The following SOX5 variants were observed in gnomAD, a reference collection of about 807,000 sequenced individuals.
SOX5 encodes the protein transcription factor SOX-5.
Under a neutral mutation model 92.0 loss-of-function variants are expected in SOX5, and 9 were observed. That is an observed-to-expected ratio of 0.10 (90% confidence interval 0.06 to 0.17). The LOEUF is 0.17. SOX5 is among the 10% of genes least tolerant of loss of function. The pLI is 1.00. For missense variants in SOX5, 642 were observed against 944.5 expected, an observed-to-expected ratio of 0.68 and a Z score of 4.20; for synonymous variants, 344 against 336.3, an observed-to-expected ratio of 1.02 and a Z score of -0.25.
intron 1 of SOX5, among the ~76,000 whole-genome samples, chr12:24,452,307 G>A (rs1413882906): frequency 2.0e-5 from 3 of 152,076 alleles, no homozygotes; most frequent in African/African-American, 2.4e-5. Flanking sequence ...ATTTAAAATC[G>A]AACTTATAAG....
intron 4 of SOX5, among the ~76,000 whole-genome samples, chr12:24,203,362 A>G (rs999587029): frequency 2.0e-5 from 3 of 152,170 alleles, no homozygotes; most frequent in South Asian, 2.1e-4. Context: ...CCATTTCTAC[A>G]AGGATTCTTG....
chr12:23,633,367 T>C (rs2078801393), intron 8 of SOX5, among the ~76,000 whole-genome samples: 1 of 152,150 alleles, frequency 6.6e-6, no homozygotes, highest in Non-Finnish European at 1.5e-5. Flanking sequence ...TTTGATCTTA[T>C]TAATTAGAAA....
chr12:24,041,219 A>G (rs998002928), intron 4 of SOX5, among the ~76,000 whole-genome samples: 1 of 152,254 alleles, frequency 6.6e-6, no homozygotes, highest in Admixed American at 6.5e-5. Context: ...CTATCTTTTG[A>G]GTCCTGAGTT....
At chr12:24,184,067 AC>A (rs1363147499) in intron 4 of SOX5, among the ~76,000 whole-genome samples, 6 of 152,164 alleles carry the variant, frequency 3.9e-5, no homozygotes, top group Admixed American at 3.9e-4. Context: ...ATCTGCAAAT[AC>A]CTTAGATTTG....
chr12:24,202,582 T>C (rs1957628302), intron 4 of SOX5, among the ~76,000 whole-genome samples: 1 of 152,188 alleles, frequency 6.6e-6, no homozygotes, highest in Non-Finnish European at 1.5e-5. Flanking sequence ...CAATATTTAG[T>C]TGTCATGTTT....
intron 6 of SOX5, among the ~76,000 whole-genome samples, chr12:23,666,667 T>A (rs925451440): frequency 6.6e-6 from 1 of 152,196 alleles, no homozygotes; most frequent in Non-Finnish European, 1.5e-5. Flanking sequence ...TGAACAGTTA[T>A]TTGTAAAATA....
chr12:24,003,124 T>G (rs556405229), intron 4 of SOX5, among the ~76,000 whole-genome samples: 5 of 152,160 alleles, frequency 3.3e-5, no homozygotes, highest in African/African-American at 1.2e-4. Flanking sequence ...ATGGTAGAAA[T>G]TCTCAACTAA....
chr12:23,679,492 C>A (rs1426846387), intron 6 of SOX5, among the ~76,000 whole-genome samples: 1 of 152,034 alleles, frequency 6.6e-6, no homozygotes, highest in East Asian at 1.9e-4. Context: ...GTGAATAAAA[C>A]AATAAAAGCC....
At chr12:24,235,789 A>T (rs925964246) in intron 3 of SOX5, among the ~76,000 whole-genome samples, 1 of 152,176 alleles carries the variant, frequency 6.6e-6, no homozygotes, top group Non-Finnish European at 1.5e-5. Flanking sequence ...TACAATTAAA[A>T]TTTTTTTAAA....
chr12:23,625,573 A>G (rs968225593), intron 8 of SOX5, among the ~76,000 whole-genome samples: 45 of 152,276 alleles, frequency 3.0e-4, no homozygotes, highest in African/African-American at 1.0e-3. Flanking sequence ...CATATGGATT[A>G]CTAACAGAAT....
intron 2 of SOX5, among the ~76,000 whole-genome samples, chr12:23,861,211 GT>G (rs551879846): frequency 1.2e-3 from 183 of 152,216 alleles, no homozygotes; most frequent in African/African-American, 4.3e-3. Flanking sequence ...TGAGTTCTTG[GT>G]GCTGTGTGTC....
chr12:23,884,221 A>G (rs1000278219), intron 2 of SOX5, among the ~76,000 whole-genome samples: 1 of 152,170 alleles, frequency 6.6e-6, no homozygotes, highest in African/African-American at 2.4e-5. Context: ...CATTTTACAG[A>G]TGGCAAAAAT....
chr12:23,571,506 A>G (rs1948376498), intron 10 of SOX5, among the ~76,000 whole-genome samples: 1 of 152,166 alleles, frequency 6.6e-6, no homozygotes, highest in South Asian at 2.1e-4. Context: ...CGTATGGCAA[A>G]GGAAGAGTAT....
intron 1 of SOX5, among the ~76,000 whole-genome samples, chr12:23,926,639 T>C (rs1167427106): frequency 6.6e-6 from 1 of 152,120 alleles, no homozygotes; most frequent in Non-Finnish European, 1.5e-5. Flanking sequence ...CTGATAGCAA[T>C]TCATTTCTTT....
intron 9 of SOX5, among the ~76,000 whole-genome samples, chr12:23,601,832 A>G (rs749055729): frequency 1.3e-5 from 2 of 152,130 alleles, no homozygotes; most frequent in Non-Finnish European, 2.9e-5. Context: ...AACCCACTAC[A>G]TTTTACTGCT....
Position 23,755,680 on chromosome 12 carries a change from T to C in SOX5, c.526A>G (p.Lys176Glu), listed in dbSNP as rs752181479. ...TTCCCCGATCCCATTGCAAGAAGCT[T>C]GTCTTTCCAGTCCTTTGAGAGTAGT... ...EKLLSKDWKDKLLAMGSGNFG... is the reference protein window; with the variant it reads ...EKLLSKDWKDELLAMGSGNFG... The change falls in exon 4 of 15, where the codon AAG (lysine) becomes GAG (glutamate). Residue 176 changes from lysine (K) to glutamate (E), a missense_variant. By Grantham distance (56) the Lys-to-Glu change is moderately conservative (BLOSUM62 1). Transcript: ENST00000451604. The C allele has an allele frequency of 1.3e-6, 2 of 1,591,882 alleles. No homozygotes were observed. The highest frequency in any genetic ancestry group is 2.3e-5 in the South Asian group (2 of 87,306).
At chr12:23,766,754 C>T (rs920236176) in intron 3 of SOX5, among the ~76,000 whole-genome samples, 1 of 151,862 alleles carries the variant, frequency 6.6e-6, no homozygotes, top group Non-Finnish European at 1.5e-5. Flanking sequence ...TTTTACAACT[C>T]CATGAAATGT....
chr12:23,936,010 T>C lies in SOX5; in HGVS notation c.38+13554A>G, dbSNP rs139711206. Reference sequence around the variant, plus strand: ...CTCTCTCTGTTTCATTTTCTTCATTTGTGAAATGAGGTAAAAAAATAAGAT... The same window carrying C: ...CTCTCTCTGTTTCATTTTCTTCATTCGTGAAATGAGGTAAAAAAATAAGAT... On this transcript the variant is annotated intron_variant, in intron 1 of 14. Coordinates refer to ENST00000451604, the MANE Select transcript of SOX5 (RefSeq NM_006940.6). Among the ~76,000 whole-genome samples the C allele has an allele frequency of 2.2e-3, 337 of 151,222 alleles. 1 individual carries two copies. The highest frequency in any genetic ancestry group is 7.5e-3 in the African/African-American group (313 of 41,462).
At chr12:24,043,047 G>A (rs938480053) in intron 4 of SOX5, among the ~76,000 whole-genome samples, 1 of 152,124 alleles carries the variant, frequency 6.6e-6, no homozygotes, top group Non-Finnish European at 1.5e-5. Flanking sequence ...AAAAATAATT[G>A]ATAATGCTTC....
Sources: gnomAD v4.1 joint callset for allele counts (sites outside exome capture counted in the v4.1 genomes callset) on GRCh38, gnomAD v4.1.1 for gene constraint, MANE v1.5 for transcripts, NCBI Gene and HGNC (gene_info 2026-07-23, HGNC 2026-07-21) for gene names.